ANKRD26: variants seen among roughly 807,000 people sequenced by gnomAD.
ANKRD26 encodes ankyrin repeat domain 26, also known as ankyrin repeat domain-containing protein 26.
A neutral mutation model predicts 208.7 loss-of-function variants in ANKRD26; 141 were observed. That is an observed-to-expected ratio of 0.68 (90% CI 0.59 to 0.78). The LOEUF is 0.78. Among genes scored for constraint, ANKRD26 ranks in the 30% least tolerant of loss-of-function variants. The pLI is 0.00. For missense variants in ANKRD26, 1,889 were observed against 1,938.7 expected, an observed-to-expected ratio of 0.97 and a Z score of 0.48; for synonymous variants, 636 against 660.4, an observed-to-expected ratio of 0.96 and a Z score of 0.57.
chr10:27,093,867 AT>A lies in ANKRD26; in HGVS notation c.243-69del, dbSNP rs751404403. 1,843 of 1,203,264 alleles carry A rather than the reference AT, an allele frequency of 1.5e-3. 3 individuals are homozygous for A. The highest frequency in any genetic ancestry group is 2.1e-3 in the Non-Finnish European group (1,716 of 811,834). The allele number at this position is 1,203,264 out of a possible 1,614,324, so 74.5% of individuals were successfully genotyped here. ...CTCAAAACATACAATGGTTCATAAAATTATAAACATTAAATAGCATGTTGAT... is the reference window on the plus strand; with the variant it reads ...CTCAAAACATACAATGGTTCATAAAATATAAACATTAAATAGCATGTTGAT... On this transcript the variant is annotated intron_variant, in intron 1 of 33. Transcript: ENST00000376087.
intron 1 of ANKRD26, among the ~76,000 whole-genome samples, chr10:27,094,417 TA>T (rs1013832706): frequency 6.6e-6 from 1 of 152,188 alleles, no homozygotes; most frequent in African/African-American, 2.4e-5. Context: ...GCTTGACCTT[TA>T]GATTCAGTTC....
At chr10:27,028,610 C>T (rs973625580) in intron 27 of ANKRD26, among the ~76,000 whole-genome samples, 1 of 127,708 alleles carries the variant, frequency 7.8e-6, no homozygotes, top group Non-Finnish European at 1.7e-5. Context: ...AAAAAAATTA[C>T]ATAAAAGTAA....
rs370796881 is a variant in ANKRD26 at position 27,037,177 on chromosome 10, T to G, written c.2697+9A>C. The G allele has an allele frequency of 2.5e-6, 4 of 1,612,540 alleles. No homozygotes were observed. Among genetic ancestry groups the G allele is most frequent in the Non-Finnish European group, 3.4e-6 (4 of 1,178,850 alleles). On this transcript the variant is annotated intron_variant, in intron 23 of 33. Coordinates refer to ENST00000376087, the MANE Select transcript of ANKRD26 (RefSeq NM_014915.3). ...CATATTTGAAAATGACTAAAGGAAA[T>G]AGAAATACCTCAGAATTCATTTTCT...
At chr10:27,077,215 G>T in intron 9 of ANKRD26, 123 bp downstream of exon 9, 1 of 844,382 alleles carries the variant, frequency 1.2e-6, no homozygotes, top group Non-Finnish European at 1.9e-6. Context: ...TCTTAAATGT[G>T]ATTCATCACA....
intron 5 of ANKRD26, among the ~76,000 whole-genome samples, chr10:26,977,979 A>G (rs1790686664): frequency 6.6e-6 from 1 of 152,240 alleles, no homozygotes. Context: ...CCCCAGGAAT[A>G]AAGCTTTGAA....
intron 28 of ANKRD26, among the ~76,000 whole-genome samples, chr10:27,023,468 C>T (rs2053558370): frequency 2.0e-5 from 3 of 149,122 alleles, no homozygotes; most frequent in South Asian, 4.2e-4. Context: ...AGAAAGTACA[C>T]ACAAAAAACA....
rs1227326331 is a variant in ANKRD26 at position 27,035,429 on chromosome 10, T to C, written c.3021A>G (p.Glu1007=). Residue 1007 remains glutamate (E), a synonymous_variant, in exon 24 of 34, where the codon GAA becomes GAG. Transcript: ENST00000376087. The part of the protein sequence containing the change: ...QSKERLEAEV[E]SYHSRLAAAI... ...CAGCAGCCAATCTAGAATGGTATGA[T>C]TCAACTTCTGCTTCCAGTCTTTCCT... 6.2e-7 allele frequency: 1 copy of C among 1,614,046 alleles called. No individual in the cohort carries two copies. The highest frequency in any genetic ancestry group is 8.5e-7 in the Non-Finnish European group (1 of 1,179,948).
chr10:26,957,604 T>C, the ANKRD26 span, among the ~76,000 whole-genome samples: 2 of 152,018 alleles, frequency 1.3e-5, no homozygotes, highest in African/African-American at 4.8e-5. Flanking sequence ...TCTGACTAAT[T>C]AAAAAAAGAA....
chr10:27,032,429 G>A (rs1324257508), intron 25 of ANKRD26, among the ~76,000 whole-genome samples: 1 of 152,018 alleles, frequency 6.6e-6, no homozygotes, highest in African/African-American at 2.4e-5. Context: ...GAGGTTAGGA[G>A]TTTGAGACCA....
chr10:27,051,604 C>T, intron 16 of ANKRD26: 2 of 985,120 alleles, frequency 2.0e-6, no homozygotes, highest in Non-Finnish European at 2.4e-6. Flanking sequence ...TTTTCATGGC[C>T]TAATTTATTT....
At chr10:27,097,451 G>T (rs946745867) in intron 1 of ANKRD26, among the ~76,000 whole-genome samples, 6 of 152,056 alleles carry the variant, frequency 3.9e-5, no homozygotes, top group Admixed American at 6.6e-5. Context: ...AACAGAGGGA[G>T]ACTCTGTCTA....
chr10:27,080,002 A>G lies in ANKRD26; in HGVS notation c.741-841T>C, dbSNP rs763968986. 47 of 345,968 alleles carry G rather than the reference A, an allele frequency of 1.4e-4. 2 individuals are homozygous for G. Among genetic ancestry groups the G allele is most frequent in the South Asian group, 1.9e-4 (9 of 47,798 alleles). The allele number at this position is 345,968 out of a possible 1,614,324, so 21.4% of individuals were successfully genotyped here. A position where few individuals can be genotyped will look rare whatever the true frequency, so the allele number is the denominator to read the frequency against. On this transcript the variant is annotated intron_variant, in intron 6 of 33. Coordinates refer to ENST00000376087, the MANE Select transcript of ANKRD26 (RefSeq NM_014915.3). ...GAAACTCTGTCTCTACTAAAAATACAAAGAATTAGCTGGGTGTGGTGGTGT... is the reference window on the plus strand; with the variant it reads ...GAAACTCTGTCTCTACTAAAAATACGAAGAATTAGCTGGGTGTGGTGGTGT...
chr10:27,067,429 T>C (rs1298174019), intron 9 of ANKRD26, 143 bp from the exon 10 acceptor site: 1 of 993,370 alleles, frequency 1.0e-6, no homozygotes, highest in African/African-American at 1.7e-5. Flanking sequence ...TAGTTTTTTT[T>C]TTTTAAAGAA....
intron 15 of ANKRD26, among the ~76,000 whole-genome samples, chr10:27,059,532 A>C (rs2054971043): frequency 6.6e-6 from 1 of 152,210 alleles, no homozygotes; most frequent in Non-Finnish European, 1.5e-5. Flanking sequence ...TCTATGCAAT[A>C]ATTTTTAATA....
At chr10:26,995,236 T>TGAC (rs1422847895) in intron 4 of ANKRD26, 1 of 466,206 alleles carries the variant, frequency 2.1e-6, no homozygotes, top group African/African-American at 2.0e-5. Flanking sequence ...GTTAACCTAT[T>TGAC]GACAGGTGTT....
In ANKRD26 at chr10:27,090,395, AAAAT is replaced by A. The variant is rs537409944; in HGVS notation, c.638+2007_638+2010del. Among the ~76,000 whole-genome samples, 236 of 152,234 alleles carry A rather than the reference AAAAT, an allele frequency of 1.6e-3. 1 individual carries two copies. The highest frequency in any genetic ancestry group is 5.3e-3 in the African/African-American group (220 of 41,556). Reference sequence around the variant, plus strand: ...GCAACAGAGCAAGACTCCATCTCAAAAAATAAATAAATAAAAATAAAATAAGAGG... The same window carrying A: ...GCAACAGAGCAAGACTCCATCTCAAAAAATAAATAAAAATAAAATAAGAGG... On this transcript the variant is annotated intron_variant, in intron 4 of 33. Coordinates refer to ENST00000376087, the MANE Select transcript of ANKRD26 (RefSeq NM_014915.3).
chr10:27,031,072 C>A (rs1405077449), intron 25 of ANKRD26, among the ~76,000 whole-genome samples: 1 of 152,014 alleles, frequency 6.6e-6, no homozygotes, highest in East Asian at 1.9e-4. Flanking sequence ...AGAAAGCTTC[C>A]GAAAGGAGGG....
chr10:27,066,188 A>G (rs1325509421), intron 11 of ANKRD26: 1 of 197,932 alleles, frequency 5.1e-6, no homozygotes, highest in Non-Finnish European at 1.0e-5. Context: ...TAGTTTTTAG[A>G]TAAACTTAAC....
Position 27,035,160 on chromosome 10 carries a change from A to C in ANKRD26, c.3290T>G (p.Val1097Gly), listed in dbSNP as rs754677134. ...CTGTGTTTGGCTTAGGTCCTTTTGTACCCGTTCTAAACCCAAAGTCTTTTC... is the reference window on the plus strand; with the variant it reads ...CTGTGTTTGGCTTAGGTCCTTTTGTCCCCGTTCTAAACCCAAAGTCTTTTC... ...LREKTLGLER[V>G]QKDLSQTQCQ... is the part of the protein sequence containing the mutation. The change falls in exon 24 of 34, where the codon GTA (valine) becomes GGA (glycine). Residue 1097 changes from valine to glycine, a missense_variant. Coordinates refer to ENST00000376087, the MANE Select transcript of ANKRD26 (RefSeq NM_014915.3). 1 of 1,613,850 alleles carries C rather than the reference A, an allele frequency of 6.2e-7. No homozygotes were observed. The highest frequency in any genetic ancestry group is 2.2e-5 in the East Asian group (1 of 44,876).
Sources: allele counts gnomAD v4.1 joint callset (sites outside exome capture counted in the v4.1 genomes callset), GRCh38; gene constraint gnomAD v4.1.1; transcripts MANE v1.5; gene names NCBI Gene and HGNC (gene_info 2026-07-23, HGNC 2026-07-21).